The following PPT1 variants were observed in gnomAD, a reference collection of about 807,000 sequenced individuals.
PPT1 encodes the protein ceroid-palmitoyl-palmitoyl-protein thioesterase 1.
A neutral mutation model predicts 44.0 loss-of-function variants in PPT1; 24 were observed. The observed-to-expected ratio is 0.54, with a 90% CI of 0.39 to 0.77. PPT1 has a LOEUF of 0.77. Among genes scored for constraint, PPT1 ranks in the 30% least tolerant of loss-of-function variants. PPT1 has a pLI of 0.00. For missense variants in PPT1, 341 were observed against 378.8 expected (o/e 0.90, Z 0.83); for synonymous variants, 148 against 140.2 (o/e 1.06, Z -0.39).
Position 40,080,291 on chromosome 1 carries a change from G to C in PPT1, c.627+106C>G. The C allele has an allele frequency of 3.4e-6, 4 of 1,188,232 alleles. No homozygotes were observed. The African/African-American group carries it at 4.5e-5, about 13-fold the overall frequency. The allele number at this position is 1,188,232 out of a possible 1,614,324, so 73.6% of individuals were successfully genotyped here. ...AAAAAAACAGAACTTCTCTTTCCTA[G>C]TGTCTGCCCAGGACAGTTTGGGTAA... is the stretch of plus-strand genomic sequence containing the variant. On this transcript the variant is annotated intron_variant, in intron 6 of 8. Coordinates refer to ENST00000642050, the MANE Select transcript of PPT1 (RefSeq NM_000310.4).
chr1:40,092,284 G>C (rs554784040), intron 2 of PPT1, 112 bp from the exon 3 acceptor site: 6 of 1,541,906 alleles, frequency 3.9e-6, no homozygotes, highest in African/African-American at 1.4e-5. Context: ...CCACTCAAGG[G>C]TGAAAGTATC....
intron 1 of PPT1, among the ~76,000 whole-genome samples, chr1:40,095,507 C>A (rs1649799650): frequency 2.0e-5 from 3 of 152,128 alleles, no homozygotes; most frequent in African/African-American, 7.2e-5. Flanking sequence ...TTTAGTAAGC[C>A]CAAAAGCAGA....
chr1:40,086,234 G>A (rs775954473), intron 5 of PPT1, among the ~76,000 whole-genome samples: 1 of 152,202 alleles, frequency 6.6e-6, no homozygotes. Context: ...TAGGAGGGTA[G>A]AGCGTGGGGC....
chr1:40,087,454 G>T (rs1262148388), intron 5 of PPT1, among the ~76,000 whole-genome samples: 1 of 151,960 alleles, frequency 6.6e-6, no homozygotes, highest in East Asian at 2.0e-4. Context: ...TGTTGGCCAG[G>T]CTGGTCTTGA....
chr1:40,091,723 G>A (rs913680655), intron 3 of PPT1, among the ~76,000 whole-genome samples: 1 of 152,036 alleles, frequency 6.6e-6, no homozygotes, highest in Non-Finnish European at 1.5e-5. Flanking sequence ...AAATTAGCTA[G>A]GTGTGGTGGT....
chr1:40,071,963 G>C, downstream of PPT1: 1 of 409,058 alleles, frequency 2.4e-6, no homozygotes, highest in Non-Finnish European at 4.3e-6. Flanking sequence ...TGTGTTTCCA[G>C]ATGGTTCTTC....
rs1557704776 is a variant in PPT1 at position 40,074,046 on chromosome 1, T to C, written c.*15A>G. The stretch of plus-strand genomic sequence containing the variant: ...GTTAGGGGCTCCCTGAGCTCTATTG[T>C]GAACTATACGGGTTTCATCCAAGGA... On this transcript the variant is annotated 3_prime_UTR_variant, in exon 9 of 9. Transcript: ENST00000642050. 1.9e-6 allele frequency: 3 copies of C among 1,614,074 alleles called. No individual in the cohort carries two copies. In the African/African-American group the frequency reaches 4.0e-5, roughly 22 times the overall value.
intron 5 of PPT1, among the ~76,000 whole-genome samples, chr1:40,080,780 A>T (rs1384558365): frequency 6.6e-6 from 1 of 152,170 alleles, no homozygotes. Flanking sequence ...AGGCTGAGGC[A>T]GGAGAACTGC....
chr1:40,092,282 G>A, intron 2 of PPT1, 110 bp from the exon 3 acceptor site: 1 of 1,543,288 alleles, frequency 6.5e-7, no homozygotes, highest in East Asian at 2.2e-5. Flanking sequence ...AGCCACTCAA[G>A]GGTGAAAGTA....
rs202241486 is a variant in PPT1 at position 40,097,222 on chromosome 1, C to T, written c.17G>A (p.Cys6Tyr). 9.3e-6 allele frequency: 15 copies of T among 1,613,856 alleles called. No individual in the cohort carries two copies. Among genetic ancestry groups the T allele is most frequent in the African/African-American group, 5.3e-5 (4 of 74,934 alleles). MASPG[C>Y]LWLLAVALLP... Reference sequence around the variant, plus strand: ...GAGAGCCACAGCCAAGAGCCACAGGCAGCCGGGCGACGCCATCTTCGCTGT... The same window carrying T: ...GAGAGCCACAGCCAAGAGCCACAGGTAGCCGGGCGACGCCATCTTCGCTGT... Residue 6 changes from cysteine (C) to tyrosine (Y), a missense_variant, in exon 1 of 9, where the codon TGC becomes TAC. Coordinates refer to ENST00000642050, the MANE Select transcript of PPT1 (RefSeq NM_000310.4).
intron 5 of PPT1, among the ~76,000 whole-genome samples, chr1:40,086,938 C>CTT (rs1649295127): frequency 6.6e-6 from 1 of 152,078 alleles, no homozygotes; most frequent in South Asian, 2.1e-4. Context: ...TGGGTTTCTT[C>CTT]TTGCAACCAG....
At chr1:40,092,553 G>T in intron 1 of PPT1, 46 bp from the exon 2 acceptor site, 1 of 1,433,794 alleles carries the variant, frequency 7.0e-7, no homozygotes, top group Non-Finnish European at 9.8e-7. Context: ...TCCAAATATT[G>T]TTTATTGTTT....
intron 3 of PPT1, 24 bp downstream of exon 3, chr1:40,092,019 GTA>G (rs1455401527): frequency 1.2e-6 from 2 of 1,612,912 alleles, no homozygotes; most frequent in African/African-American, 2.7e-5. Flanking sequence ...CATATAAGTG[GTA>G]CAATATAACA....
chr1:40,094,264 C>T (rs1649727883), intron 1 of PPT1, among the ~76,000 whole-genome samples: 1 of 152,182 alleles, frequency 6.6e-6, no homozygotes, highest in Non-Finnish European at 1.5e-5. Flanking sequence ...AACTGTTCCA[C>T]CTCAGATCAT....
In PPT1 at chr1:40,094,033, A is replaced by C. The variant is rs77588241; in HGVS notation, c.125-1526T>G. ...CATAACGAGACCCTGTCTCAAAAAA[A>C]CCAAAAAGCCCATATAGGATAATTA... On this transcript the variant is annotated intron_variant, in intron 1 of 8. Transcript: ENST00000642050. The C allele has an allele frequency of 9.1e-3, 6,330 of 697,946 alleles. 303 individuals are homozygous for C. The African/African-American group carries it at 0.1, about 11-fold the overall frequency. The allele number at this position is 697,946 out of a possible 1,614,324, so 43.2% of individuals were successfully genotyped here. A position where few individuals can be genotyped will look rare whatever the true frequency, so the allele number is the denominator to read the frequency against.
intron 6 of PPT1, 104 bp downstream of exon 6, chr1:40,080,293 G>A (rs942462915): frequency 1.6e-6 from 2 of 1,212,442 alleles, no homozygotes; most frequent in Admixed American, 1.7e-5. Context: ...CTTTCCTAGT[G>A]TCTGCCCAGG....
intron 5 of PPT1, among the ~76,000 whole-genome samples, chr1:40,085,962 T>C (rs1649236067): frequency 6.6e-6 from 1 of 152,178 alleles, no homozygotes; most frequent in South Asian, 2.1e-4. Flanking sequence ...GCCTTAATAT[T>C]TCCAGAAAAC....
chr1:40,076,294 A>C (rs1456084995), intron 8 of PPT1, among the ~76,000 whole-genome samples: 2 of 152,034 alleles, frequency 1.3e-5, no homozygotes, highest in Admixed American at 6.6e-5. Context: ...GTGAAACTCC[A>C]TCTCTCCTAA....
In PPT1 at chr1:40,078,548, G is replaced by A. The variant is rs1463313242; in HGVS notation, c.726+12C>T. On this transcript the variant is annotated intron_variant, in intron 7 of 8. Coordinates refer to ENST00000642050, the MANE Select transcript of PPT1 (RefSeq NM_000310.4). ...TTTACTCTCCTGGCATGTGGCCTAA[G>A]TAGTGTCTCACCTCCGAATCTACAG... 14 of 1,610,210 alleles carry A rather than the reference G, an allele frequency of 8.7e-6. No individual in the cohort carries two copies. Among genetic ancestry groups the A allele is most frequent in the Non-Finnish European group, 1.2e-5 (14 of 1,176,570 alleles).
Sources: gnomAD v4.1 joint callset for allele counts (sites outside exome capture counted in the v4.1 genomes callset) on GRCh38, gnomAD v4.1.1 for gene constraint, MANE v1.5 for transcripts, NCBI Gene and HGNC (gene_info 2026-07-23, HGNC 2026-07-21) for gene names.